ASMTL: variants seen among roughly 807,000 people sequenced by gnomAD.
ASMTL encodes the protein probable bifunctional dTTP/UTP pyrophosphatase/methyltransferase protein.
Under a neutral mutation model 60.3 loss-of-function variants are expected in ASMTL, and 57 were observed. That is an observed-to-expected ratio of 0.95 (90% CI 0.76 to 1.18). ASMTL has a LOEUF of 1.18. ASMTL is among the 50% of genes most tolerant of loss of function. ASMTL has a pLI of 0.00. For synonymous variants in ASMTL, 419 were observed against 373.0 expected (o/e 1.12, Z -1.42); for missense variants, 981 against 852.6 (o/e 1.15, Z -1.88).
In ASMTL at chrX:1,428,959, C is replaced by T. The variant is rs193066309; in HGVS notation, c.510-838G>A. ...TCGCCCAGGCTGGAGTGCAGTGGCG[C>T]GATCTCGGCTCCCTGCAACCTCCGC... On this transcript the variant is annotated intron_variant, in intron 6 of 12. Coordinates refer to ENST00000381317, the MANE Select transcript of ASMTL (RefSeq NM_004192.4). Among the ~76,000 whole-genome samples the T allele has an allele frequency of 2.1e-3, 320 of 151,364 alleles. 1 individual carries two copies. Among genetic ancestry groups the T allele is most frequent in the Non-Finnish European group, 3.6e-3 (246 of 67,836 alleles).
Position 1,405,207 on chromosome X carries a change from T to C in ASMTL, c.1646-1718A>G, listed in dbSNP as rs760582128. 2.0e-4 allele frequency among the ~76,000 whole-genome samples: 24 copies of C among 121,582 alleles called. 1 individual carries two copies. In the East Asian group the frequency reaches 4.3e-3, roughly 22 times the overall value. 79.8% of individuals were successfully genotyped at this position (121,582 alleles called of 152,430 possible). A position where few individuals can be genotyped will look rare whatever the true frequency, so the allele number is the denominator to read the frequency against. On this transcript the variant is annotated intron_variant, in intron 12 of 12. Transcript: ENST00000381317. ...AGATGGTAGATGATGGGTACGTAGATAGATGAATGGATGGATAGATGGATG... is the reference window on the plus strand; with the variant it reads ...AGATGGTAGATGATGGGTACGTAGACAGATGAATGGATGGATAGATGGATG...
At chrX:1,431,323 A>G (rs778230930) in intron 6 of ASMTL, among the ~76,000 whole-genome samples, 1 of 131,996 alleles carries the variant, frequency 7.6e-6, no homozygotes, top group African/African-American at 2.8e-5. Flanking sequence ...TATATTTTAT[A>G]TATAATTATA....
At chrX:1,415,469 G>GTTT (rs1185513423) in intron 11 of ASMTL, among the ~76,000 whole-genome samples, 2 of 21,524 alleles carry the variant, frequency 9.3e-5, no homozygotes, top group African/African-American at 2.1e-4. Context: ...TATTATCATT[G>GTTT]TCTTTTTTTT....
At chrX:1,424,499 TCCATCTATCCACACATCTATCCACTCAC>T (rs1379184984) in intron 8 of ASMTL, among the ~76,000 whole-genome samples, 14 of 147,370 alleles carry the variant, frequency 9.5e-5, no homozygotes, top group African/African-American at 3.5e-4. Flanking sequence ...CGCCCACTCA[TCCATCTATCCACACATCTATCCACTCAC>T]CCATCCATCC....
chrX:1,428,229 C>A, intron 6 of ASMTL, 108 bp from the exon 7 acceptor site: 1 of 1,373,876 alleles, frequency 7.3e-7, no homozygotes, highest in Non-Finnish European at 9.8e-7. Context: ...GTCGGGAGAT[C>A]GAGGCCATCC....
At chrX:1,449,488 C>G (rs774850098) in intron 1 of ASMTL, among the ~76,000 whole-genome samples, 1 of 152,036 alleles carries the variant, frequency 6.6e-6, no homozygotes, top group African/African-American at 2.4e-5. Flanking sequence ...TCACTAGGAC[C>G]AGGCATGTGG....
At chrX:1,426,491 T>C (rs2090614373) in intron 7 of ASMTL, among the ~76,000 whole-genome samples, 1 of 152,086 alleles carries the variant, frequency 6.6e-6, no homozygotes, top group Admixed American at 6.5e-5. Flanking sequence ...GAGGGACCCC[T>C]GGTGTTGGGA....
intron 1 of ASMTL, among the ~76,000 whole-genome samples, chrX:1,450,751 C>A (rs1450300643): frequency 2.8e-5 from 4 of 144,152 alleles, no homozygotes; most frequent in East Asian, 2.2e-4. Context: ...CCTCCCCCAT[C>A]CCTAGGGTTC....
chrX:1,433,403 C>A (rs1179018412), intron 5 of ASMTL, among the ~76,000 whole-genome samples: 4 of 149,730 alleles, frequency 2.7e-5, no homozygotes, highest in South Asian at 4.2e-4. Flanking sequence ...CGGTGGCTCA[C>A]GCCTGTCATC....
chrX:1,425,453 C>T, intron 8 of ASMTL, 72 bp downstream of exon 8: 1 of 1,554,912 alleles, frequency 6.4e-7, no homozygotes. Context: ...TCTGCCCAGG[C>T]TCCAGGTCAC....
chrX:1,433,020 C>T (rs1462296812), intron 5 of ASMTL, among the ~76,000 whole-genome samples: 5 of 152,156 alleles, frequency 3.3e-5, no homozygotes, highest in African/African-American at 1.2e-4. Context: ...ATCGCTTGAA[C>T]CCGGGAGGCG....
chrX:1,453,140 C>G (rs1347394769), upstream of ASMTL, among the ~76,000 whole-genome samples: 6 of 150,800 alleles, frequency 4.0e-5, no homozygotes, highest in Non-Finnish European at 8.9e-5. Flanking sequence ...ACGCCCAGAC[C>G]ACGCCTCCAT....
At chrX:1,404,152 G>C (rs1451883998) in intron 12 of ASMTL, among the ~76,000 whole-genome samples, 2 of 150,196 alleles carry the variant, frequency 1.3e-5, no homozygotes, top group Non-Finnish European at 3.0e-5. Context: ...ATAGATGGTA[G>C]ATGATGGGTA....
Position 1,412,785 on chromosome X carries a change from G to A in ASMTL, c.1592C>T (p.Pro531Leu), listed in dbSNP as rs755171738. Residue 531 changes from proline (P) to leucine (L), a missense_variant, in exon 12 of 13, where the codon CCA becomes CTA. Coordinates refer to ENST00000381317, the MANE Select transcript of ASMTL (RefSeq NM_004192.4). ...GAGTAACTTGTGGACTTTGTCGTCT[G>A]GCCAGTCATGCAGGATCCGGCACAG... ...YVLCRILHDW[P>L]DDKVHKLLSR... is the part of the protein sequence containing the mutation. The A allele has an allele frequency of 6.2e-7, 1 of 1,613,962 alleles. No individual in the cohort carries two copies. Among genetic ancestry groups the A allele is most frequent in the Non-Finnish European group, 8.5e-7 (1 of 1,179,850 alleles).
intron 11 of ASMTL, among the ~76,000 whole-genome samples, chrX:1,415,004 G>A (rs1414269603): frequency 8.6e-5 from 13 of 151,882 alleles, no homozygotes; most frequent in Non-Finnish European, 1.6e-4. Context: ...GCAGTGGCGC[G>A]ATCTCGGCTC....
chrX:1,411,660 C>T (rs780245364), intron 12 of ASMTL, among the ~76,000 whole-genome samples: 1 of 74,222 alleles, frequency 1.3e-5, no homozygotes, highest in Admixed American at 1.2e-4. Context: ...TTCCCTCTGC[C>T]TCGGCCACCC....
chrX:1,405,574 AGATG>A (rs1395066924), intron 12 of ASMTL, among the ~76,000 whole-genome samples: 9 of 148,828 alleles, frequency 6.0e-5, no homozygotes, highest in African/African-American at 1.2e-4. Flanking sequence ...TGCATGCATG[AGATG>A]GATGGATGGG....
chrX:1,433,501 T>TAAAAAAAAA (rs35959333), intron 5 of ASMTL, among the ~76,000 whole-genome samples: 1 of 99,152 alleles, frequency 1.0e-5, no homozygotes, highest in Non-Finnish European at 1.9e-5. Context: ...CCGTCTCTAC[T>TAAAAAAAAA]AAAAAAAAAA....
At chrX:1,415,802 G>C (rs2090223173) in intron 11 of ASMTL, among the ~76,000 whole-genome samples, 1 of 152,150 alleles carries the variant, frequency 6.6e-6, no homozygotes, top group African/African-American at 2.4e-5. Context: ...GTGTCTGTGT[G>C]GACCCGCAGA....
Sources: gnomAD v4.1 joint callset for allele counts (sites outside exome capture counted in the v4.1 genomes callset) on GRCh38, gnomAD v4.1.1 for gene constraint, MANE v1.5 for transcripts, NCBI Gene and HGNC (gene_info 2026-07-23, HGNC 2026-07-21) for gene names.